Variants in TECTB observed in about 807,000 individuals in gnomAD.
The protein encoded by TECTB is tectorin beta.
A neutral mutation model predicts 43.3 loss-of-function variants in TECTB; 45 were observed. The ratio of observed to expected loss-of-function variants is 1.04; its 90% CI spans 0.82 to 1.33. The LOEUF (loss-of-function observed/expected upper bound fraction) is 1.33, where lower values mean the gene tolerates loss of function less well. Among genes scored for constraint, TECTB ranks in the 40% most tolerant of loss-of-function variants. The pLI is 0.00. For synonymous variants in TECTB, 169 were observed against 156.7 expected (o/e 1.08, Z -0.59); for missense variants, 399 against 404.7 (o/e 0.99, Z 0.12).
intron 5 of TECTB, among the ~76,000 whole-genome samples, chr10:112,292,640 C>T (rs1348797821): frequency 3.9e-5 from 6 of 152,162 alleles, no homozygotes; most frequent in East Asian, 1.9e-4. Context: ...GACAGGGTTT[C>T]GTCATGTTGG....
chr10:112,291,803 A>C (rs555482700), intron 5 of TECTB, among the ~76,000 whole-genome samples: 6 of 152,252 alleles, frequency 3.9e-5, no homozygotes, highest in Non-Finnish European at 8.8e-5. Context: ...GGGTTAGCCC[A>C]GGATCCTTGC....
chr10:112,302,581 CT>C (rs1272259037), intron 10 of TECTB: 13 of 375,910 alleles, frequency 3.5e-5, no homozygotes, highest in African/African-American at 1.9e-4. Flanking sequence ...ATAATTGCCC[CT>C]ATCTACATGG....
intron 7 of TECTB, among the ~76,000 whole-genome samples, chr10:112,297,153 G>A (rs1336956871): frequency 6.6e-6 from 1 of 152,120 alleles, no homozygotes; most frequent in African/African-American, 2.4e-5. Flanking sequence ...GACATTTGGG[G>A]TGGGACCATT....
At chr10:112,286,921 T>C (rs1223368048) in intron 5 of TECTB, among the ~76,000 whole-genome samples, 3 of 151,750 alleles carry the variant, frequency 2.0e-5, no homozygotes, top group African/African-American at 7.3e-5. Context: ...AAACTCCATC[T>C]CAAAAAACAA....
At chr10:112,301,620 T>C (rs1848612740) in intron 9 of TECTB, among the ~76,000 whole-genome samples, 1 of 152,148 alleles carries the variant, frequency 6.6e-6, no homozygotes, top group African/African-American at 2.4e-5. Context: ...AACCCCTGCT[T>C]TGGAGAGAAA....
Position 112,304,649 on chromosome 10 carries a change from T to C in TECTB, c.*1337T>C, listed in dbSNP as rs368866694. 6.8e-6 allele frequency: 1 copy of C among 146,086 alleles called. No individual in the cohort carries two copies. Among genetic ancestry groups the C allele is most frequent in the African/African-American group, 2.8e-5 (1 of 35,608 alleles). 9.0% of individuals were successfully genotyped at this position (146,086 alleles called of 1,614,324 possible). A position where few individuals can be genotyped will look rare whatever the true frequency, so the allele number is the denominator to read the frequency against. On this transcript the variant is annotated 3_prime_UTR_variant, in exon 11 of 11. Coordinates refer to ENST00000646139, the MANE Select transcript of TECTB (RefSeq NM_058222.3). ...TTGAGAAGTTTTGCAATTTGCAGTT[T>C]GATGATTCTTTTACAACTTGTGTTA...
intron 8 of TECTB, 100 bp downstream of exon 8, chr10:112,298,331 T>A: frequency 6.8e-7 from 1 of 1,462,476 alleles, no homozygotes. Context: ...CCAGGGCAGC[T>A]GTGTGCTGAG....
intron 9 of TECTB, among the ~76,000 whole-genome samples, chr10:112,301,857 C>T (rs1478099074): frequency 1.3e-5 from 2 of 152,044 alleles, no homozygotes; most frequent in South Asian, 2.1e-4. Context: ...ATTACAGGCA[C>T]GTGCCACCAC....
At chr10:112,290,243 C>T (rs748976798) in intron 5 of TECTB, among the ~76,000 whole-genome samples, 7 of 152,076 alleles carry the variant, frequency 4.6e-5, no homozygotes, top group Non-Finnish European at 1.0e-4. Flanking sequence ...TCCATGTTAT[C>T]GGATCAAAAT....
chr10:112,303,426 A>C lies in TECTB; in HGVS notation c.*114A>C, dbSNP rs1308536592. Reference sequence around the variant, plus strand: ...AGAAGACCACATTGTTGGGGGGCAGAGAATAGCACTTTGCCAAATATGCAC... The same window carrying C: ...AGAAGACCACATTGTTGGGGGGCAGCGAATAGCACTTTGCCAAATATGCAC... On this transcript the variant is annotated 3_prime_UTR_variant, in exon 11 of 11. Transcript: ENST00000646139. 1 of 1,335,528 alleles carries C rather than the reference A, an allele frequency of 7.5e-7. No homozygotes were observed. The highest frequency in any genetic ancestry group is 1.1e-6 in the Non-Finnish European group (1 of 937,278). 82.7% of individuals were successfully genotyped at this position (1,335,528 alleles called of 1,614,324 possible).
intron 7 of TECTB, among the ~76,000 whole-genome samples, chr10:112,296,604 A>G (rs1485614137): frequency 6.6e-6 from 1 of 152,182 alleles, no homozygotes; most frequent in Non-Finnish European, 1.5e-5. Flanking sequence ...CAACTTGGAA[A>G]ATGCCACAGT....
chr10:112,286,561 T>G (rs926870752), intron 5 of TECTB, among the ~76,000 whole-genome samples, 170 bp downstream of exon 5: 4 of 152,134 alleles, frequency 2.6e-5, no homozygotes, highest in Non-Finnish European at 4.4e-5. Context: ...AAAAACTAAG[T>G]GTCACAGAAA....
chr10:112,301,555 G>T (rs1456558626), intron 9 of TECTB, among the ~76,000 whole-genome samples: 1 of 152,104 alleles, frequency 6.6e-6, no homozygotes, highest in Non-Finnish European at 1.5e-5. Flanking sequence ...AGATGGGATG[G>T]CCTGCAAAGC....
chr10:112,290,139 C>T (rs554588867), intron 5 of TECTB, among the ~76,000 whole-genome samples: 1 of 152,298 alleles, frequency 6.6e-6, no homozygotes, highest in East Asian at 1.9e-4. Context: ...AAATCTTGCA[C>T]CGCTCACTCT....
intron 7 of TECTB, 52 bp downstream of exon 7, chr10:112,294,113 G>C (rs370352692): frequency 1.3e-6 from 2 of 1,543,408 alleles, no homozygotes; most frequent in African/African-American, 1.4e-5. Flanking sequence ...GGCATTTATC[G>C]GGCTACTTTG....
chr10:112,293,154 G>A (rs955365073), intron 5 of TECTB, among the ~76,000 whole-genome samples: 3 of 152,210 alleles, frequency 2.0e-5, no homozygotes, highest in African/African-American at 4.8e-5. Context: ...GAATATGCCA[G>A]ATCATTGAAG....
intron 5 of TECTB, among the ~76,000 whole-genome samples, chr10:112,292,924 T>C (rs185112233): frequency 3.0e-4 from 46 of 152,306 alleles, no homozygotes; most frequent in African/African-American, 1.1e-3. Context: ...CCTGGATAGC[T>C]ACATGGCCCC....
chr10:112,286,066 T>C lies in TECTB; in HGVS notation c.268-5T>C, dbSNP rs1269747904. ...TCATCCTGACTGTCTCCTTTCTTTG[T>C]CCAGTACAAGCCACCTATCTATCAC... On this transcript the variant is annotated splice_region_variant and splice_polypyrimidine_tract_variant and intron_variant, in intron 3 of 10. Coordinates refer to ENST00000646139, the MANE Select transcript of TECTB (RefSeq NM_058222.3). The C allele has an allele frequency of 2.5e-6, 4 of 1,613,952 alleles. No homozygotes were observed. The highest frequency in any genetic ancestry group is 3.4e-6 in the Non-Finnish European group (4 of 1,179,964).
intron 3 of TECTB, 89 bp from the exon 4 acceptor site, chr10:112,285,982 T>C: frequency 6.5e-7 from 1 of 1,549,916 alleles, no homozygotes; most frequent in Middle Eastern, 1.7e-4. Context: ...TGGACTTGTT[T>C]TTGAGCCATC....
Sources: allele counts gnomAD v4.1 joint callset (sites outside exome capture counted in the v4.1 genomes callset), GRCh38; gene constraint gnomAD v4.1.1; transcripts MANE v1.5; gene names NCBI Gene and HGNC (gene_info 2026-07-23, HGNC 2026-07-21).